The following SPOCK1 variants were observed in gnomAD, a reference collection of about 807,000 sequenced individuals.
SPOCK1 encodes the protein SPARC (osteonectin), cwcv and kazal like domains proteoglycan 1.
SPOCK1 carries 23 observed loss-of-function variants against 55.3 expected under a neutral mutation model. The observed-to-expected ratio is 0.42, with a 90% confidence interval of 0.30 to 0.59. SPOCK1 has a LOEUF of 0.59. Among genes scored for constraint, SPOCK1 ranks in the 20% least tolerant of loss-of-function variants. The probability of loss-of-function intolerance (pLI) is 0.22; values close to 1 mark genes in which losing one functional copy is unlikely to be tolerated. For missense variants in SPOCK1, 499 were observed against 552.5 expected, an observed-to-expected ratio of 0.90 and a Z score of 0.97; for synonymous variants, 226 against 221.0, an observed-to-expected ratio of 1.02 and a Z score of -0.20.
At chr5:137,496,815 G>A (rs1055966546) in intron 2 of SPOCK1, among the ~76,000 whole-genome samples, 1 of 152,218 alleles carries the variant, frequency 6.6e-6, no homozygotes, top group African/African-American at 2.4e-5. Context: ...GGGGAGGAAA[G>A]TGAGGGGCAT....
rs1750623430 is a variant in SPOCK1 at position 136,976,826 on chromosome 5, A to T, written c.*1828T>A. The T allele has an allele frequency of 6.6e-6, 1 of 152,206 alleles. No individual in the cohort carries two copies. The highest frequency in any genetic ancestry group is 2.4e-5 in the African/African-American group (1 of 41,458). The allele number at this position is 152,206 out of a possible 1,614,324, so 9.4% of individuals were successfully genotyped here. A position where few individuals can be genotyped will look rare whatever the true frequency, so the allele number is the denominator to read the frequency against. Reference sequence around the variant, plus strand: ...TCAAGTAGTTCATTTCTTATCTAAGACCAACTATAGGTATGATGCTACTGT... The same window carrying T: ...TCAAGTAGTTCATTTCTTATCTAAGTCCAACTATAGGTATGATGCTACTGT... On this transcript the variant is annotated 3_prime_UTR_variant, in exon 11 of 11. Transcript: ENST00000394945.
At chr5:137,275,316 A>G (rs1057024783) in intron 2 of SPOCK1, among the ~76,000 whole-genome samples, 1 of 152,234 alleles carries the variant, frequency 6.6e-6, no homozygotes, top group Non-Finnish European at 1.5e-5. Flanking sequence ...GCAGGCCTCC[A>G]TGAACATCCA....
chr5:137,166,822 A>AC (rs201534311), intron 3 of SPOCK1, among the ~76,000 whole-genome samples: 2 of 151,830 alleles, frequency 1.3e-5, no homozygotes, highest in South Asian at 2.1e-4. Context: ...ATGAATACAC[A>AC]AAAAACAAAA....
intron 2 of SPOCK1, among the ~76,000 whole-genome samples, chr5:137,381,000 C>T (rs907811402): frequency 6.6e-6 from 1 of 152,052 alleles, no homozygotes; most frequent in African/African-American, 2.4e-5. Flanking sequence ...AAATCACACA[C>T]AAGTTATGTA....
chr5:137,091,647 T>G (rs1042954032), intron 5 of SPOCK1, among the ~76,000 whole-genome samples: 3 of 152,222 alleles, frequency 2.0e-5, no homozygotes, highest in Non-Finnish European at 4.4e-5. Context: ...TTCCTCACTG[T>G]CAGTCTGTTG....
At chr5:137,297,820 A>G (rs1757517579) in intron 2 of SPOCK1, among the ~76,000 whole-genome samples, 1 of 152,220 alleles carries the variant, frequency 6.6e-6, no homozygotes, top group African/African-American at 2.4e-5. Flanking sequence ...GACTTCTGGC[A>G]CACTTAATTT....
chr5:137,230,278 C>G (rs1263553730), intron 3 of SPOCK1, among the ~76,000 whole-genome samples: 1 of 152,150 alleles, frequency 6.6e-6, no homozygotes, highest in Non-Finnish European at 1.5e-5. Context: ...ACAGACCCAG[C>G]CAGTCAGAAA....
At chr5:137,271,199 T>G (rs1756955044) in intron 2 of SPOCK1, among the ~76,000 whole-genome samples, 1 of 151,778 alleles carries the variant, frequency 6.6e-6, no homozygotes, top group Non-Finnish European at 1.5e-5. Context: ...AAGATAAAAC[T>G]ATATTTCTCC....
At chr5:137,318,399 T>C (rs969672185) in intron 2 of SPOCK1, among the ~76,000 whole-genome samples, 1 of 152,136 alleles carries the variant, frequency 6.6e-6, no homozygotes, top group Non-Finnish European at 1.5e-5. Context: ...CTCTATTGTC[T>C]AGAATGTCAA....
intron 2 of SPOCK1, among the ~76,000 whole-genome samples, chr5:137,278,444 A>G (rs1435531653): frequency 6.6e-6 from 1 of 152,206 alleles, no homozygotes; most frequent in East Asian, 1.9e-4. Flanking sequence ...CCTGAGCCAC[A>G]GTTTTCCTGT....
chr5:137,390,310 C>T (rs1355345328), intron 2 of SPOCK1, among the ~76,000 whole-genome samples: 1 of 152,144 alleles, frequency 6.6e-6, no homozygotes, highest in Non-Finnish European at 1.5e-5. Context: ...ACATTTGTTC[C>T]GTGGCTGCTA....
intron 2 of SPOCK1, among the ~76,000 whole-genome samples, chr5:137,488,779 G>A (rs1441880478): frequency 6.6e-6 from 1 of 152,178 alleles, no homozygotes; most frequent in East Asian, 1.9e-4. Flanking sequence ...GACGGACTTT[G>A]CATAAATGCC....
At chr5:137,078,193 C>T (rs1348738116) in intron 5 of SPOCK1, among the ~76,000 whole-genome samples, 1 of 152,180 alleles carries the variant, frequency 6.6e-6, no homozygotes, top group Admixed American at 6.5e-5. Context: ...ACATGTCTCT[C>T]GCCCAGCCTG....
chr5:137,387,592 A>T (rs1751622307), intron 2 of SPOCK1, among the ~76,000 whole-genome samples: 1 of 152,258 alleles, frequency 6.6e-6, no homozygotes, highest in Admixed American at 6.5e-5. Flanking sequence ...CAGTGAAACT[A>T]GTCTGTAGGA....
intron 2 of SPOCK1, among the ~76,000 whole-genome samples, chr5:137,487,075 C>T (rs1754074131): frequency 6.6e-6 from 1 of 152,160 alleles, no homozygotes; most frequent in African/African-American, 2.4e-5. Flanking sequence ...TCCAAATAGC[C>T]ACAACAGTCT....
rs143965601 is a variant in SPOCK1, at chr5:137,204,347, C to T, written c.232+62663G>A. ...AAACCTAAAATGCTTCATGCATCCC[C>T]ACTCTGTGTCTGGGAGAGCGCACTG... On this transcript the variant is annotated intron_variant, in intron 3 of 10. Transcript: ENST00000394945. Among the ~76,000 whole-genome samples the T allele has an allele frequency of 4.9e-3, 749 of 152,256 alleles. 7 individuals carry two copies. The highest frequency in any genetic ancestry group is 0.017 in the African/African-American group (709 of 41,538).
chr5:137,228,044 G>A (rs1755979060), intron 3 of SPOCK1, among the ~76,000 whole-genome samples: 1 of 152,158 alleles, frequency 6.6e-6, no homozygotes, highest in African/African-American at 2.4e-5. Context: ...TCTTTTCTTT[G>A]CATTTTCTCC....
chr5:137,130,760 T>C (rs1438004021), intron 4 of SPOCK1, among the ~76,000 whole-genome samples: 1 of 152,224 alleles, frequency 6.6e-6, no homozygotes, highest in Admixed American at 6.5e-5. Flanking sequence ...CCTCCAGCTG[T>C]GGACGCATCA....
intron 2 of SPOCK1, among the ~76,000 whole-genome samples, chr5:137,394,124 T>A (rs1039982662): frequency 3.9e-5 from 6 of 152,234 alleles, no homozygotes; most frequent in African/African-American, 1.4e-4. Flanking sequence ...TGGTGTGCAT[T>A]GTCATTCATT....
Sources: allele counts gnomAD v4.1 joint callset (sites outside exome capture counted in the v4.1 genomes callset), GRCh38; gene constraint gnomAD v4.1.1; transcripts MANE v1.5; gene names NCBI Gene and HGNC (gene_info 2026-07-23, HGNC 2026-07-21).